Variants in HYAL4 observed in about 807,000 individuals in gnomAD.
HYAL4 encodes hyaluronidase 4, also known as hyaluronidase-4.
A neutral mutation model predicts 35.2 loss-of-function variants in HYAL4; 37 were observed. The observed-to-expected ratio is 1.05, with a 90% CI of 0.81 to 1.38. The LOEUF is 1.38. HYAL4 is among the 40% of genes most tolerant of loss of function. The probability of loss-of-function intolerance (pLI) is 0.00; values close to 1 mark genes in which losing one functional copy is unlikely to be tolerated. For synonymous variants in HYAL4, 198 were observed against 203.2 expected, an observed-to-expected ratio of 0.97 and a Z score of 0.22; for missense variants, 572 against 572.4, an observed-to-expected ratio of 1.00 and a Z score of 0.01.
chr7:123,853,938 T>C (rs1806371152), intron 2 of HYAL4, among the ~76,000 whole-genome samples: 1 of 152,220 alleles, frequency 6.6e-6, no homozygotes. Context: ...ATTTGACTTC[T>C]TCCTGGTTTA....
At chr7:123,795,966 C>G in the HYAL4 span, among the ~76,000 whole-genome samples, 2 of 152,146 alleles carry the variant, frequency 1.3e-5, no homozygotes, top group Non-Finnish European at 2.9e-5. Flanking sequence ...GACAGAGACA[C>G]ATAGGATAAG....
the HYAL4 span, among the ~76,000 whole-genome samples, chr7:123,795,979 G>A: frequency 7.2e-5 from 11 of 152,184 alleles, no homozygotes; most frequent in Non-Finnish European, 1.3e-4. Flanking sequence ...AGGATAAGAT[G>A]CTTCGTTTAA....
At chr7:123,853,311 G>C (rs1806354076) in intron 2 of HYAL4, among the ~76,000 whole-genome samples, 1 of 152,112 alleles carries the variant, frequency 6.6e-6, no homozygotes. Flanking sequence ...GTCTTGTGCT[G>C]CTTTTCAAAG....
intron 1 of HYAL4, among the ~76,000 whole-genome samples, chr7:123,836,426 A>G (rs1025996620): frequency 6.6e-6 from 1 of 152,110 alleles, no homozygotes; most frequent in African/African-American, 2.4e-5. Context: ...GTCCATTTGC[A>G]TGGAATATCT....
upstream of HYAL4, among the ~76,000 whole-genome samples, chr7:123,841,114 G>T (rs1272427201): frequency 6.6e-6 from 1 of 151,938 alleles, no homozygotes; most frequent in Non-Finnish European, 1.5e-5. Flanking sequence ...GTATGATATT[G>T]GCTGTGGGTT....
upstream of HYAL4, among the ~76,000 whole-genome samples, chr7:123,842,256 C>T (rs1265918347): frequency 6.6e-5 from 10 of 151,946 alleles, no homozygotes. Context: ...TGTTATTCAC[C>T]CAGTAGTCAT....
intron 2 of HYAL4, among the ~76,000 whole-genome samples, chr7:123,864,886 A>G (rs1196893739): frequency 1.3e-5 from 2 of 151,448 alleles, no homozygotes; most frequent in Non-Finnish European, 2.9e-5. Flanking sequence ...GACATACAGC[A>G]AGCAGAAGAC....
chr7:123,766,270 T>C, the HYAL4 span, among the ~76,000 whole-genome samples: 3 of 152,262 alleles, frequency 2.0e-5, no homozygotes, highest in East Asian at 5.8e-4. Context: ...TTCTCATTAA[T>C]AATAGTTGTC....
Position 123,869,059 on chromosome 7 carries a change from C to T in HYAL4, c.786C>T (p.Ile262=), listed in dbSNP as rs370047337. Residue 262 remains isoleucine (I), a synonymous_variant, in exon 3 of 5, where the codon ATC becomes ATT. Coordinates refer to ENST00000223026, the MANE Select transcript of HYAL4 (RefSeq NM_012269.3). ...GCAGTGCTGCTTTATATCCTTCTAT[C>T]GGTGTCTGGAAATCCCTTGGAGACA... ...WNSSAALYPS[I]GVWKSLGDSE... 1.4e-4 allele frequency: 228 copies of T among 1,614,040 alleles called. 1 individual carries two copies. Among genetic ancestry groups the T allele is most frequent in the Non-Finnish European group, 1.8e-4 (212 of 1,180,030 alleles).
At chr7:123,875,652 A>C (rs915552489) in intron 4 of HYAL4, among the ~76,000 whole-genome samples, 2 of 146,414 alleles carry the variant, frequency 1.4e-5, no homozygotes, top group African/African-American at 5.1e-5. Flanking sequence ...GTGAGACTCC[A>C]TCTCAAAAAA....
the HYAL4 span, among the ~76,000 whole-genome samples, chr7:123,809,997 T>C: frequency 6.6e-6 from 1 of 152,348 alleles, no homozygotes; most frequent in African/African-American, 2.4e-5. Context: ...CTTCAGTCAC[T>C]AATTAGGTTT....
chr7:123,781,594 C>T, the HYAL4 span, among the ~76,000 whole-genome samples: 15 of 152,044 alleles, frequency 9.9e-5, no homozygotes, highest in East Asian at 2.7e-3. Flanking sequence ...TAGGGGCAAC[C>T]CACCCCTACA....
chr7:123,800,506 A>AG, the HYAL4 span, among the ~76,000 whole-genome samples: 1 of 143,202 alleles, frequency 7.0e-6, no homozygotes, highest in South Asian at 2.3e-4. Context: ...TTAAAAAAAA[A>AG]GAAGTTTTTC....
chr7:123,791,011 C>T, the HYAL4 span, among the ~76,000 whole-genome samples: 6 of 152,060 alleles, frequency 3.9e-5, no homozygotes, highest in Admixed American at 6.6e-5. Context: ...GTGATCCACC[C>T]GCCTCGGCCT....
chr7:123,830,026 C>G (rs1394928490), intron 1 of HYAL4, among the ~76,000 whole-genome samples: 5 of 152,170 alleles, frequency 3.3e-5, no homozygotes, highest in Non-Finnish European at 1.5e-5. Flanking sequence ...CGAGGAAATG[C>G]ATTCTTGGAA....
chr7:123,874,024 G>A (rs561642602), intron 3 of HYAL4, among the ~76,000 whole-genome samples: 1 of 152,250 alleles, frequency 6.6e-6, no homozygotes, highest in Admixed American at 6.5e-5. Context: ...AAGTGTCACT[G>A]GGGCATGTTG....
chr7:123,835,436 T>C (rs927498007), intron 1 of HYAL4, among the ~76,000 whole-genome samples: 1 of 152,118 alleles, frequency 6.6e-6, no homozygotes, highest in African/African-American at 2.4e-5. Context: ...TATCTCCTGT[T>C]TTGTTTCTAA....
At chr7:123,785,018 C>T in the HYAL4 span, among the ~76,000 whole-genome samples, 6 of 152,116 alleles carry the variant, frequency 3.9e-5, no homozygotes, top group African/African-American at 1.4e-4. This position sits in a 1 kb window ranked among gnomAD's most constrained non-coding sequence, Gnocchi z 4.5. Flanking sequence ...TATTTTCATT[C>T]TTCCATTTGC....
chr7:123,871,192 G>T (rs1806873115), intron 3 of HYAL4, among the ~76,000 whole-genome samples: 1 of 149,818 alleles, frequency 6.7e-6, no homozygotes, highest in Non-Finnish European at 1.5e-5. Flanking sequence ...ATCTGCCCAT[G>T]ATTTTTTTTT....
Sources: gnomAD v4.1 joint callset for allele counts (sites outside exome capture counted in the v4.1 genomes callset) on GRCh38, gnomAD v4.1.1 for gene constraint, Gnocchi (gnomAD v3.1) non-coding constraint, MANE v1.5 for transcripts, NCBI Gene and HGNC (gene_info 2026-07-23, HGNC 2026-07-21) for gene names.